Variants in ARHGEF3 observed in about 807,000 individuals in gnomAD.
The protein encoded by ARHGEF3 is 59.8 kDA protein.
ARHGEF3 carries 28 observed loss-of-function variants against 63.2 expected under a neutral mutation model. The observed-to-expected ratio is 0.44, with a 90% CI of 0.33 to 0.61. ARHGEF3 has a LOEUF of 0.61. Among genes scored for constraint, ARHGEF3 ranks in the 20% least tolerant of loss-of-function variants. The pLI is 0.03. For missense variants in ARHGEF3, 533 were observed against 659.3 expected (o/e 0.81, Z 2.10); for synonymous variants, 266 against 254.2 (o/e 1.05, Z -0.44).
chr3:56,729,068 A>C lies in ARHGEF3; in HGVS notation c.*202T>G. ...ACACTTGGGAAATACAACACAGGGT[A>C]ATAGTTGCCACAGATTCCAGCTTAC... On this transcript the variant is annotated 3_prime_UTR_variant, in exon 10 of 10. Coordinates refer to ENST00000296315, the MANE Select transcript of ARHGEF3 (RefSeq NM_019555.3). 1 of 558,904 alleles carries C rather than the reference A, an allele frequency of 1.8e-6. No individual in the cohort carries two copies. The highest frequency in any genetic ancestry group is 3.2e-6 in the Non-Finnish European group (1 of 317,290). The allele number at this position is 558,904 out of a possible 1,614,324, so 34.6% of individuals were successfully genotyped here.
chr3:56,888,903 CA>C (rs61452676), intron 3 of ARHGEF3, among the ~76,000 whole-genome samples: 4 of 135,520 alleles, frequency 3.0e-5, no homozygotes, highest in African/African-American at 7.7e-5. Context: ...AACTCCATCT[CA>C]AAAAAAAACA....
chr3:56,925,554 G>A (rs2042253556), intron 3 of ARHGEF3, among the ~76,000 whole-genome samples: 1 of 152,174 alleles, frequency 6.6e-6, no homozygotes, highest in Non-Finnish European at 1.5e-5. Context: ...ACAACAATAC[G>A]AACCACCATT....
chr3:56,867,763 G>T lies in ARHGEF3; in HGVS notation c.192+14529C>A, dbSNP rs559614630. ...TGGAATTACAAGTGTAAGCTACCGC[G>T]CCTGGCCTGGAAATGCTATTTCACA... On this transcript the variant is annotated intron_variant, in intron 4 of 12. Coordinates refer to the ARHGEF3 transcript ENST00000338458. Among the ~76,000 whole-genome samples the T allele has an allele frequency of 2.0e-5, 3 of 152,280 alleles. No individual in the cohort carries two copies. The East Asian group carries it at 5.8e-4, about 29-fold the overall frequency.
intron 2 of ARHGEF3, among the ~76,000 whole-genome samples, chr3:57,027,333 T>G (rs1210507486): frequency 6.6e-6 from 1 of 152,196 alleles, no homozygotes. Flanking sequence ...AGAAGGTGAC[T>G]GCCTGGCATT....
chr3:57,002,862 C>T (rs1247287484), intron 2 of ARHGEF3, among the ~76,000 whole-genome samples: 2 of 150,860 alleles, frequency 1.3e-5, no homozygotes, highest in African/African-American at 2.4e-5. Context: ...CAACCTCCAC[C>T]TCCCGGGTTC....
chr3:56,984,415 G>A (rs976171542), intron 2 of ARHGEF3, among the ~76,000 whole-genome samples: 1 of 152,192 alleles, frequency 6.6e-6, no homozygotes, highest in African/African-American at 2.4e-5. Flanking sequence ...AGCACATGAT[G>A]GGTAGGTGGG....
chr3:57,059,188 C>T (rs924043721), intron 1 of ARHGEF3, among the ~76,000 whole-genome samples: 2 of 152,052 alleles, frequency 1.3e-5, no homozygotes, highest in Admixed American at 6.6e-5. Flanking sequence ...CTTAACTATG[C>T]CTTTTTTTAC....
At chr3:56,861,004 T>A (rs775905138) in intron 4 of ARHGEF3, among the ~76,000 whole-genome samples, 1 of 152,132 alleles carries the variant, frequency 6.6e-6, no homozygotes, top group Non-Finnish European at 1.5e-5. Flanking sequence ...ATAAAGCACC[T>A]CCAGCCCCCT....
chr3:56,875,701 A>G (rs192878128), intron 4 of ARHGEF3, among the ~76,000 whole-genome samples: 42 of 152,324 alleles, frequency 2.8e-4, no homozygotes, highest in African/African-American at 6.3e-4. Context: ...CTTTTTAAAC[A>G]TTTATCTGTC....
chr3:56,745,043 G>A (rs2034291099), intron 7 of ARHGEF3, among the ~76,000 whole-genome samples, 162 bp downstream of exon 7: 1 of 152,136 alleles, frequency 6.6e-6, no homozygotes, highest in Non-Finnish European at 1.5e-5. Context: ...GATGAGAAGT[G>A]ACTTGCAAAA....
chr3:56,783,697 G>A (rs1442739110), intron 1 of ARHGEF3, among the ~76,000 whole-genome samples: 2 of 152,204 alleles, frequency 1.3e-5, no homozygotes, highest in African/African-American at 2.4e-5. Context: ...AGCAGAGCCA[G>A]TAAAATAAAA....
chr3:56,744,984 T>C (rs1012208700), intron 7 of ARHGEF3, among the ~76,000 whole-genome samples: 1 of 152,184 alleles, frequency 6.6e-6, no homozygotes, highest in Non-Finnish European at 1.5e-5. Context: ...CCTTACAGCG[T>C]GTTTCATGTA....
chr3:56,751,854 G>T (rs1578412520), intron 4 of ARHGEF3, among the ~76,000 whole-genome samples: 1 of 152,260 alleles, frequency 6.6e-6, no homozygotes, highest in East Asian at 1.9e-4. Flanking sequence ...TGAACAAAGA[G>T]AGCAAAGGTG....
At chr3:56,974,070 AT>A (rs1389060449) in intron 2 of ARHGEF3, among the ~76,000 whole-genome samples, 2 of 152,176 alleles carry the variant, frequency 1.3e-5, no homozygotes, top group Non-Finnish European at 2.9e-5. Context: ...TGGGCGACAG[AT>A]CAAGACTCTG....
chr3:57,003,007 G>GATCC (rs1219054730), intron 2 of ARHGEF3, among the ~76,000 whole-genome samples: 11 of 151,486 alleles, frequency 7.3e-5, no homozygotes, highest in Non-Finnish European at 5.9e-5. Context: ...GACCTCAGGT[G>GATCC]ATCCCACCCA....
chr3:56,773,673 T>C, intron 2 of ARHGEF3, 36 bp downstream of exon 2: 1 of 1,517,312 alleles, frequency 6.6e-7, no homozygotes, highest in Non-Finnish European at 8.9e-7. Flanking sequence ...TACACCATGA[T>C]TTTCTGCAAC....
intron 3 of ARHGEF3, among the ~76,000 whole-genome samples, chr3:56,929,432 C>G (rs957571938): frequency 1.3e-5 from 2 of 152,140 alleles, no homozygotes; most frequent in Non-Finnish European, 2.9e-5. Flanking sequence ...GAATCTAGAC[C>G]ACCCTAAAAA....
At position 56,989,677 on chromosome 3, in the gene ARHGEF3, C is replaced by G. The variant is rs187612412; in HGVS notation, c.63-30788G>C. Among the ~76,000 whole-genome samples the G allele has an allele frequency of 5.8e-3, 887 of 152,296 alleles. 9 individuals are homozygous for G. The highest frequency in any genetic ancestry group is 0.02 in the African/African-American group (839 of 41,552). The stretch of plus-strand genomic sequence containing the variant: ...GCCTCTAGTAAGGCTGCTGCCTCCC[C>G]ACAGCTGGGGCCCTCGTGGATTCCA... On this transcript the variant is annotated intron_variant, in intron 2 of 12. Transcript: ENST00000338458.
In ARHGEF3 at chr3:56,916,605, T is replaced by C. The variant is rs148515567; in HGVS notation, c.130-34251A>G. 7.1e-4 allele frequency: 582 copies of C among 822,186 alleles called. 1 individual carries two copies. In the African/African-American group the frequency reaches 9.7e-3, roughly 14 times the overall value. The allele number at this position is 822,186 out of a possible 1,614,324, so 50.9% of individuals were successfully genotyped here. A position where few individuals can be genotyped will look rare whatever the true frequency, so the allele number is the denominator to read the frequency against. On this transcript the variant is annotated intron_variant, in intron 3 of 12. Coordinates refer to the ARHGEF3 transcript ENST00000338458. Reference sequence around the variant, plus strand: ...GGGCATTCAAAGGTACACCAGAAGTTCAGTTTCTGACTGACAATCCCCAGC... The same window carrying C: ...GGGCATTCAAAGGTACACCAGAAGTCCAGTTTCTGACTGACAATCCCCAGC...
Sources: allele counts gnomAD v4.1 joint callset (sites outside exome capture counted in the v4.1 genomes callset), GRCh38; gene constraint gnomAD v4.1.1; transcripts MANE v1.5; gene names NCBI Gene and HGNC (gene_info 2026-07-23, HGNC 2026-07-21).